MTARC2: variants seen among roughly 807,000 people sequenced by gnomAD.
MTARC2 encodes the protein mitochondrial amidoxime reducing component 2.
Under a neutral mutation model 35.6 loss-of-function variants are expected in MTARC2, and 27 were observed. That is an observed-to-expected ratio of 0.76 (90% CI 0.56 to 1.04). The LOEUF (loss-of-function observed/expected upper bound fraction) is 1.04, where lower values mean the gene tolerates loss of function less well. Among genes scored for constraint, MTARC2 ranks in the 50% least tolerant of loss-of-function variants. MTARC2 has a pLI of 0.00. For missense variants in MTARC2, 412 were observed against 432.5 expected (o/e 0.95, Z 0.42); for synonymous variants, 158 against 167.1 (o/e 0.95, Z 0.42).
intron 7 of MTARC2, among the ~76,000 whole-genome samples, chr1:220,783,199 A>T (rs1025803955): frequency 2.0e-5 from 3 of 152,230 alleles, no homozygotes; most frequent in Admixed American, 6.5e-5. Context: ...ATGCCTTTTG[A>T]AAAATATCAG....
intron 2 of MTARC2, among the ~76,000 whole-genome samples, chr1:220,755,813 A>T (rs10863562): frequency 0.29 from 44,272 of 152,128 alleles, 7,510 homozygotes; most frequent in East Asian, 0.69. Context: ...GTCAAAGCGT[A>T]AAACATGCAG....
At chr1:220,770,781 T>C (rs1460839926) in intron 4 of MTARC2, among the ~76,000 whole-genome samples, 1 of 152,246 alleles carries the variant, frequency 6.6e-6, no homozygotes, top group South Asian at 2.1e-4. Context: ...GAATGTCTTA[T>C]GTTCATCAGG....
chr1:220,755,815 A>G (rs1671262253), intron 2 of MTARC2, among the ~76,000 whole-genome samples: 1 of 152,202 alleles, frequency 6.6e-6, no homozygotes, highest in South Asian at 2.1e-4. Context: ...CAAAGCGTAA[A>G]ACATGCAGAA....
intron 4 of MTARC2, among the ~76,000 whole-genome samples, chr1:220,778,552 G>A (rs948383461): frequency 1.6e-4 from 24 of 152,270 alleles, no homozygotes; most frequent in African/African-American, 4.3e-4. Context: ...ATTCTGTCCC[G>A]CCAGGTCCCA....
chr1:220,769,921 T>C (rs1572309065), intron 4 of MTARC2, among the ~76,000 whole-genome samples: 1 of 68,680 alleles, frequency 1.5e-5, no homozygotes, highest in South Asian at 5.7e-4. Context: ...AAACTCCATC[T>C]CTACTAAAAA....
intron 4 of MTARC2, among the ~76,000 whole-genome samples, chr1:220,769,005 CAGG>C (rs780776664): frequency 2.6e-5 from 4 of 152,218 alleles, no homozygotes; most frequent in Non-Finnish European, 4.4e-5. Context: ...GTGATTAAAA[CAGG>C]AGGATAGGCA....
In MTARC2 at chr1:220,775,951, A is replaced by C. The variant is rs933740627; in HGVS notation, c.751-4067A>C. Among the ~76,000 whole-genome samples, 38 of 152,084 alleles carry C rather than the reference A, an allele frequency of 2.5e-4. 1 individual carries two copies. On this transcript the variant is annotated intron_variant, in intron 4 of 7. Coordinates refer to ENST00000366913, the MANE Select transcript of MTARC2 (RefSeq NM_017898.5). ...GTTGATAGGCATCTAGGTTGATTCC[A>C]TGTCTTTGCTGTTGTGAACAGTGCT...
intron 4 of MTARC2, among the ~76,000 whole-genome samples, chr1:220,778,174 G>A (rs767999925): frequency 4.0e-5 from 6 of 150,202 alleles, no homozygotes; most frequent in African/African-American, 9.8e-5. Flanking sequence ...TCTGGGAGGC[G>A]GAGATTGCGG....
chr1:220,762,245 A>G (rs1032327527), intron 3 of MTARC2, among the ~76,000 whole-genome samples: 2 of 152,140 alleles, frequency 1.3e-5, no homozygotes, highest in African/African-American at 2.4e-5. Flanking sequence ...GGTGCTGGCG[A>G]GGCGCCTCCC....
At position 220,770,649 on chromosome 1, in the gene MTARC2, G is replaced by C. The variant is rs1174593854; in HGVS notation, c.750+7599G>C. 4 of 821,836 alleles carry C rather than the reference G, an allele frequency of 4.9e-6. No individual in the cohort carries two copies. In the African/African-American group the frequency reaches 7.4e-5, roughly 15 times the overall value. The allele number at this position is 821,836 out of a possible 1,614,324, so 50.9% of individuals were successfully genotyped here. ...GTGAGTCACTGCATGGACAAAGTGTGCTGAAAAGCAGTCCAGCACAGCCCA... is the reference window on the plus strand; with the variant it reads ...GTGAGTCACTGCATGGACAAAGTGTCCTGAAAAGCAGTCCAGCACAGCCCA... On this transcript the variant is annotated intron_variant, in intron 4 of 7. Coordinates refer to ENST00000366913, the MANE Select transcript of MTARC2 (RefSeq NM_017898.5).
rs550150746 is a variant in MTARC2 at position 220,779,985 on chromosome 1, C to A, written c.751-33C>A. 9.4e-6 allele frequency: 14 copies of A among 1,485,756 alleles called. No homozygotes were observed. The South Asian group carries it at 1.7e-4, about 18-fold the overall frequency. The allele number at this position is 1,485,756 out of a possible 1,614,324, so 92.0% of individuals were successfully genotyped here. ...ACAGACTCAAAGGCTAATGAAGCCA[C>A]CATTTAAAAGATAACTTTCTCTTTT... On this transcript the variant is annotated intron_variant, in intron 4 of 7. Transcript: ENST00000366913.
At chr1:220,749,716 C>T (rs61830240) in intron 1 of MTARC2, among the ~76,000 whole-genome samples, 2 of 152,124 alleles carry the variant, frequency 1.3e-5, no homozygotes, top group African/African-American at 4.8e-5. Context: ...CAGGTGTGAG[C>T]CACTGTGCCC....
At chr1:220,749,493 C>T (rs979778861) in intron 1 of MTARC2, among the ~76,000 whole-genome samples, 1 of 147,216 alleles carries the variant, frequency 6.8e-6, no homozygotes, top group Non-Finnish European at 1.5e-5. Context: ...TGCAGTGGCA[C>T]TATCTCAGCT....
chr1:220,774,190 C>T (rs956558659), intron 4 of MTARC2, among the ~76,000 whole-genome samples: 1 of 151,998 alleles, frequency 6.6e-6, no homozygotes, highest in African/African-American at 2.4e-5. Flanking sequence ...CTCAAGTCTC[C>T]TGAGTAGTTA....
At chr1:220,749,918 A>G (rs1475846136) in intron 1 of MTARC2, among the ~76,000 whole-genome samples, 1 of 152,188 alleles carries the variant, frequency 6.6e-6, no homozygotes, top group South Asian at 2.1e-4. Context: ...GTGGACTTCC[A>G]TGGTGTTGGA....
At chr1:220,767,682 A>G (rs532567762) in intron 4 of MTARC2, among the ~76,000 whole-genome samples, 12 of 152,316 alleles carry the variant, frequency 7.9e-5, no homozygotes, top group Non-Finnish European at 1.0e-4. Context: ...ACTTGTTTGT[A>G]TCAGTCCTCA....
Position 220,769,934 on chromosome 1 carries a change from C to CAAAAAAAAAAAAAAAAAAA in MTARC2, c.750+6889_750+6907dup, listed in dbSNP as rs57739324. Among the ~76,000 whole-genome samples, 62 of 63,400 alleles carry CAAAAAAAAAAAAAAAAAAA rather than the reference C, an allele frequency of 9.8e-4. 1 individual carries two copies. The highest frequency in any genetic ancestry group is 2.8e-3 in the East Asian group (4 of 1,452). 41.6% of individuals were successfully genotyped at this position (63,400 alleles called of 152,430 possible). A position where few individuals can be genotyped will look rare whatever the true frequency, so the allele number is the denominator to read the frequency against. On this transcript the variant is annotated intron_variant, in intron 4 of 7. Transcript: ENST00000366913. ...TGAAACTCCATCTCTACTAAAAATA[C>CAAAAAAAAAAAAAAAAAAA]AAAAAAAAAAAAAAAAAAAAAAATT...
intron 2 of MTARC2, among the ~76,000 whole-genome samples, chr1:220,755,714 G>C (rs72472378): frequency 6.6e-6 from 1 of 152,158 alleles, no homozygotes; most frequent in Admixed American, 6.5e-5. Context: ...CCTATTACAG[G>C]CACACTTGCA....
chr1:220,782,424 T>G (rs1414592063), intron 7 of MTARC2, among the ~76,000 whole-genome samples: 1 of 152,228 alleles, frequency 6.6e-6, no homozygotes, highest in African/African-American at 2.4e-5. Flanking sequence ...TCATGGTGAC[T>G]GGGTCCTGAA....
Sources: allele counts gnomAD v4.1 joint callset (sites outside exome capture counted in the v4.1 genomes callset), GRCh38; gene constraint gnomAD v4.1.1; transcripts MANE v1.5; gene names NCBI Gene and HGNC (gene_info 2026-07-23, HGNC 2026-07-21).